Variants in NRXN3 observed in about 807,000 individuals in gnomAD.
NRXN3 encodes neurexin III.
In NRXN3, 32 loss-of-function variants were observed where a neutral mutation model predicts 137.6. The observed-to-expected ratio is 0.23, with a 90% CI of 0.18 to 0.31. NRXN3 has a LOEUF of 0.31. Ranked by LOEUF, NRXN3 falls within the 10% of genes least tolerant of loss-of-function variation. The probability of loss-of-function intolerance (pLI) is 1.00; values close to 1 mark genes in which losing one functional copy is unlikely to be tolerated. For synonymous variants in NRXN3, 798 were observed against 784.5 expected (o/e 1.02, Z -0.29); for missense variants, 1,574 against 2,062.5 (o/e 0.76, Z 4.59).
intron 1 of NRXN3, among the ~76,000 whole-genome samples, chr14:78,233,293 A>C (rs2065707912): frequency 6.6e-6 from 1 of 152,114 alleles, no homozygotes; most frequent in African/African-American, 2.4e-5. Context: ...AGTTAGTGAA[A>C]AGACAGTCTG....
chr14:78,715,791 T>C (rs1333867301), intron 8 of NRXN3, among the ~76,000 whole-genome samples: 2 of 152,146 alleles, frequency 1.3e-5, no homozygotes, highest in African/African-American at 2.4e-5. Context: ...CCTCACAAGA[T>C]ACTGATGATG....
At chr14:79,412,221 G>A (rs1481218931) in intron 15 of NRXN3, among the ~76,000 whole-genome samples, 2 of 152,028 alleles carry the variant, frequency 1.3e-5, no homozygotes, top group Admixed American at 1.3e-4. Context: ...GAATTTATGT[G>A]TGCCTAAATA....
chr14:78,235,000 A>ATATATATATATATATATATGTGTG (rs1555418534), intron 1 of NRXN3, among the ~76,000 whole-genome samples: 1 of 38,656 alleles, frequency 2.6e-5, no homozygotes, highest in African/African-American at 1.1e-4. Context: ...GCTTTTATAT[A>ATATATATATATATATATATGTGTG]TATATATATA....
chr14:78,589,719 G>T (rs2097099047), intron 4 of NRXN3, among the ~76,000 whole-genome samples: 1 of 152,194 alleles, frequency 6.6e-6, no homozygotes, highest in Non-Finnish European at 1.5e-5. Flanking sequence ...GCCAGGACAT[G>T]CCTGGGGCAG....
intron 15 of NRXN3, among the ~76,000 whole-genome samples, chr14:79,000,940 T>C (rs1489937202): frequency 1.3e-5 from 2 of 152,190 alleles, no homozygotes; most frequent in East Asian, 3.9e-4. Context: ...TGCATTTGGA[T>C]TCCTTTAGCA....
At chr14:79,459,305 G>T (rs1012334749) in intron 15 of NRXN3, among the ~76,000 whole-genome samples, 1 of 151,994 alleles carries the variant, frequency 6.6e-6, no homozygotes, top group African/African-American at 2.4e-5. Flanking sequence ...TGAAGATAGG[G>T]TTTTCTGAAT....
chr14:79,123,676 A>C (rs2152929385), intron 15 of NRXN3, among the ~76,000 whole-genome samples: 1 of 152,294 alleles, frequency 6.6e-6, no homozygotes. Flanking sequence ...AAGAGAACAC[A>C]CCTGGGGATG....
At chr14:79,202,805 C>T (rs1459690965) in intron 15 of NRXN3, among the ~76,000 whole-genome samples, 1 of 152,126 alleles carries the variant, frequency 6.6e-6, no homozygotes, top group Non-Finnish European at 1.5e-5. Flanking sequence ...GTTGGTTCCA[C>T]AATTTTTGCA....
chr14:79,133,663 T>C (rs12880768), intron 15 of NRXN3, among the ~76,000 whole-genome samples: 147,880 of 152,262 alleles, frequency 0.97, 71,859 homozygotes, highest in Middle Eastern at 1. Context: ...CGGTGGCTCA[T>C]GCCTGTAATC....
chr14:78,527,311 A>G (rs182671488), intron 4 of NRXN3, among the ~76,000 whole-genome samples: 1 of 152,306 alleles, frequency 6.6e-6, no homozygotes, highest in African/African-American at 2.4e-5. Flanking sequence ...TCATGGCAGA[A>G]CGAAAGGGGG....
intron 15 of NRXN3, among the ~76,000 whole-genome samples, chr14:79,166,737 C>T (rs181456216): frequency 2.0e-5 from 3 of 151,826 alleles, no homozygotes; most frequent in Admixed American, 2.0e-4. Context: ...CCAGATATCC[C>T]TGTATTTTAT....
intron 15 of NRXN3, among the ~76,000 whole-genome samples, chr14:79,084,993 GTTTTA>G (rs2047828315): frequency 6.6e-6 from 1 of 152,180 alleles, no homozygotes; most frequent in South Asian, 2.1e-4. Flanking sequence ...CTGACGAGAC[GTTTTA>G]TTTGCCTCCT....
chr14:79,456,487 G>A (rs1304866551), intron 15 of NRXN3, among the ~76,000 whole-genome samples: 1 of 152,188 alleles, frequency 6.6e-6, no homozygotes, highest in Non-Finnish European at 1.5e-5. Flanking sequence ...AGCATTTTGG[G>A]AGGCCAAGAC....
chr14:78,907,891 T>C (rs1398828381), intron 10 of NRXN3, among the ~76,000 whole-genome samples: 1 of 152,086 alleles, frequency 6.6e-6, no homozygotes, highest in African/African-American at 2.4e-5. Context: ...GAACATGTGG[T>C]ATTTGGTTTT....
intron 8 of NRXN3, among the ~76,000 whole-genome samples, chr14:78,728,367 A>T (rs940374669): frequency 6.6e-6 from 1 of 152,184 alleles, no homozygotes; most frequent in Non-Finnish European, 1.5e-5. Context: ...TTAAAAAGAG[A>T]TGCTTAAAGA....
chr14:78,235,938 G>T (rs2066238327), intron 1 of NRXN3, among the ~76,000 whole-genome samples: 1 of 152,234 alleles, frequency 6.6e-6, no homozygotes, highest in Non-Finnish European at 1.5e-5. Flanking sequence ...GCAAAGCATG[G>T]TGGATATTTG....
intron 10 of NRXN3, among the ~76,000 whole-genome samples, chr14:78,926,791 A>T (rs1364301489): frequency 5.7e-5 from 3 of 52,868 alleles, no homozygotes; most frequent in African/African-American, 1.9e-4. Context: ...AAAATATATT[A>T]TATATTATAT....
At chr14:78,486,952 T>C (rs1422658655) in intron 4 of NRXN3, among the ~76,000 whole-genome samples, 1 of 152,154 alleles carries the variant, frequency 6.6e-6, no homozygotes, top group Non-Finnish European at 1.5e-5. Flanking sequence ...GCAAAGGGGC[T>C]TCCAAAGGAA....
intron 10 of NRXN3, among the ~76,000 whole-genome samples, chr14:78,874,081 C>T (rs934033906): frequency 2.6e-5 from 4 of 151,420 alleles, no homozygotes; most frequent in African/African-American, 9.7e-5. Flanking sequence ...AAGTGGTTCT[C>T]CTGCCTCAGC....
Sources: gnomAD v4.1 joint callset for allele counts (sites outside exome capture counted in the v4.1 genomes callset) on GRCh38, gnomAD v4.1.1 for gene constraint, MANE v1.5 for transcripts, NCBI Gene and HGNC (gene_info 2026-07-23, HGNC 2026-07-21) for gene names.